Variants in ADGRL1 observed in about 807,000 individuals in gnomAD.
ADGRL1 encodes adhesion G protein-coupled receptor L1.
In ADGRL1, 31 loss-of-function variants were observed where a neutral mutation model predicts 148.9. That is an observed-to-expected ratio of 0.21 (90% CI 0.16 to 0.28). The LOEUF is 0.28. ADGRL1 is among the 10% of genes least tolerant of loss of function. The pLI is 1.00. For missense variants in ADGRL1, 1,521 were observed against 2,058.8 expected, an observed-to-expected ratio of 0.74 and a Z score of 5.05; for synonymous variants, 937 against 900.3, an observed-to-expected ratio of 1.04 and a Z score of -0.73.
At chr19:14,172,511 G>A (rs944860226) in intron 3 of ADGRL1, among the ~76,000 whole-genome samples, 2 of 151,984 alleles carry the variant, frequency 1.3e-5, no homozygotes, top group African/African-American at 4.8e-5. Flanking sequence ...AGGCCGTGGT[G>A]GATGGATCAC....
intron 3 of ADGRL1, among the ~76,000 whole-genome samples, chr19:14,172,447 T>C (rs1471704632): frequency 6.7e-6 from 1 of 149,720 alleles, no homozygotes; most frequent in Non-Finnish European, 1.5e-5. Context: ...AAACAAAAAA[T>C]AGAACACTGG....
intron 2 of ADGRL1, among the ~76,000 whole-genome samples, chr19:14,181,425 A>G (rs984696414): frequency 1.3e-5 from 2 of 152,216 alleles, no homozygotes; most frequent in Non-Finnish European, 2.9e-5. Context: ...TGCATGCTCA[A>G]GTTCGAACAG....
At position 14,158,513 on chromosome 19, in the gene ADGRL1, C is replaced by T. The variant is rs767471579; in HGVS notation, c.2189G>A (p.Gly730Asp). The change falls in exon 12 of 23, where the codon GGC becomes GAC. Residue 730 changes from glycine (G) to aspartate (D), a missense_variant. Coordinates refer to ENST00000361434, the MANE Select transcript of ADGRL1 (RefSeq NM_014921.5). ...KVVFILYNNL[G>D]LFLSTENATV... ...GGCATTCTCCGTGGACAGGAAGAGGCCCAGGTTGTTGTAGAGGATGAAGAC... is the reference window on the plus strand; with the variant it reads ...GGCATTCTCCGTGGACAGGAAGAGGTCCAGGTTGTTGTAGAGGATGAAGAC... 6.2e-7 allele frequency: 1 copy of T among 1,613,946 alleles called. No homozygotes were observed. The highest frequency in any genetic ancestry group is 1.1e-5 in the South Asian group (1 of 91,092).
rs2144732511 is a variant in ADGRL1 at position 14,161,477 on chromosome 19, G to T, written c.1345C>A (p.Leu449Met). 2.8e-6 allele frequency: 4 copies of T among 1,453,438 alleles called. No individual in the cohort carries two copies. Among genetic ancestry groups the T allele is most frequent in the Non-Finnish European group, 3.6e-6 (4 of 1,101,460 alleles). The allele number at this position is 1,453,438 out of a possible 1,614,324, so 90.0% of individuals were successfully genotyped here. A position where few individuals can be genotyped will look rare whatever the true frequency, so the allele number is the denominator to read the frequency against. The part of the protein sequence containing the change: ...VGAINQLGPD[L>M]PPATAPVPST... ...GGGACTGGGGCTGTGGCTGGAGGCA[G>T]ATCAGGTCCCAGCTGGTTGATGGCA... Residue 449 changes from leucine to methionine, a missense_variant, in exon 6 of 23, where the codon CTG becomes ATG. Transcript: ENST00000361434. The surrounding 1 kb of genome is among the most constrained non-coding windows in gnomAD (Gnocchi z 4.4).
In ADGRL1 at chr19:14,152,534, G is replaced by A. The variant is rs754060469; in HGVS notation, c.3503C>T (p.Thr1168Ile). ...CTTCTCACCTCGGTTCAGGGTGGGG[G>A]TGCTGTTGATGTCACCCGCCATGAA... ...SSFMAGDINS[T>I]PTLNRGTMGN... The change falls in exon 20 of 23, where the codon ACC becomes ATC. Residue 1168 changes from threonine (T) to isoleucine (I), a missense_variant. Thr to Ile is a moderately conservative substitution (Grantham distance 89). Transcript: ENST00000361434. The surrounding 1 kb of genome is among the most constrained non-coding windows in gnomAD (Gnocchi z 6.1). 1 of 1,614,066 alleles carries A rather than the reference G, an allele frequency of 6.2e-7. No homozygotes were observed. The highest frequency in any genetic ancestry group is 8.5e-7 in the Non-Finnish European group (1 of 1,179,958).
chr19:14,174,051 T>C (rs947159766), intron 3 of ADGRL1, among the ~76,000 whole-genome samples: 1 of 151,756 alleles, frequency 6.6e-6, no homozygotes, highest in African/African-American at 2.4e-5. Flanking sequence ...TACAAGTCCT[T>C]CTGGATGTGA....
At chr19:14,185,284 C>T (rs1242090005) in intron 1 of ADGRL1, among the ~76,000 whole-genome samples, 2 of 152,078 alleles carry the variant, frequency 1.3e-5, no homozygotes, top group African/African-American at 4.8e-5. Context: ...TAGAAACACA[C>T]ATTCTCTCTC....
At position 14,161,733 on chromosome 19, in the gene ADGRL1, G is replaced by T; in HGVS notation, c.1196-107C>A. 1 of 782,850 alleles carries T rather than the reference G, an allele frequency of 1.3e-6. No homozygotes were observed. Among genetic ancestry groups the T allele is most frequent in the Non-Finnish European group, 1.8e-6 (1 of 556,932 alleles). 48.5% of individuals were successfully genotyped at this position (782,850 alleles called of 1,614,324 possible). On this transcript the variant is annotated intron_variant, in intron 5 of 22. Coordinates refer to ENST00000361434, the MANE Select transcript of ADGRL1 (RefSeq NM_014921.5). The surrounding 1 kb of genome is among the most constrained non-coding windows in gnomAD (Gnocchi z 4.4). ...CTTAGCATCTTCCTCATCTACTGAA[G>T]TGGAAACACGTGCCGGGCCCCACTG...
intron 2 of ADGRL1, 60 bp from the exon 3 acceptor site, chr19:14,177,804 AC>A (rs1293909498): frequency 1.3e-5 from 19 of 1,471,364 alleles, no homozygotes; most frequent in Non-Finnish European, 1.7e-5. Context: ...GGAAGACCCT[AC>A]CCACTGCCAA....
At chr19:14,194,570 G>A (rs1246163046) in intron 1 of ADGRL1, among the ~76,000 whole-genome samples, 2 of 152,222 alleles carry the variant, frequency 1.3e-5, no homozygotes, top group African/African-American at 4.8e-5. Context: ...TACAGAGGAG[G>A]AAAGTGAGGT....
chr19:14,160,837 C>T lies in ADGRL1; in HGVS notation c.1511-141G>A. The T allele has an allele frequency of 2.9e-6, 2 of 685,250 alleles. No homozygotes were observed. Among genetic ancestry groups the T allele is most frequent in the Non-Finnish European group, 5.3e-6 (2 of 376,644 alleles). The allele number at this position is 685,250 out of a possible 1,614,324, so 42.4% of individuals were successfully genotyped here. ...GGTGAGGGAAACACGGAGAAACAGACATGAAGCGGGCTGGACAGTCGAAAG... is the reference window on the plus strand; with the variant it reads ...GGTGAGGGAAACACGGAGAAACAGATATGAAGCGGGCTGGACAGTCGAAAG... On this transcript the variant is annotated intron_variant, in intron 6 of 22. Transcript: ENST00000361434. This position sits in a 1 kb window ranked among gnomAD's most constrained non-coding sequence, Gnocchi z 5.9.
intron 2 of ADGRL1, among the ~76,000 whole-genome samples, chr19:14,180,404 T>C (rs1012627157): frequency 7.2e-5 from 11 of 152,046 alleles, no homozygotes; most frequent in South Asian, 2.1e-4. Flanking sequence ...TACAGGCGCC[T>C]GCCACCACAC....
At chr19:14,156,590 G>GGGGCTGGGGTCAAGGCC in intron 16 of ADGRL1, 68 bp downstream of exon 16, 1 of 1,009,776 alleles carries the variant, frequency 9.9e-7, no homozygotes, top group Non-Finnish European at 1.4e-6. Context: ...GGCGGGGGCA[G>GGGGCTGGGGTCAAGGCC]GGGCTGGGGT....
intron 1 of ADGRL1, among the ~76,000 whole-genome samples, chr19:14,198,096 T>TG (rs1356868633): frequency 2.0e-5 from 3 of 151,944 alleles, no homozygotes; most frequent in Non-Finnish European, 4.4e-5. Flanking sequence ...GCAAAGGTCC[T>TG]GGGGTAGGAA....
intron 1 of ADGRL1, among the ~76,000 whole-genome samples, chr19:14,200,975 C>T (rs1174979850): frequency 6.6e-6 from 1 of 152,206 alleles, no homozygotes; most frequent in Non-Finnish European, 1.5e-5. Context: ...CCCCTGATCC[C>T]AGTATGTTTA....
chr19:14,197,517 A>G (rs1972336716), intron 1 of ADGRL1, among the ~76,000 whole-genome samples: 2 of 152,108 alleles, frequency 1.3e-5, no homozygotes, highest in Non-Finnish European at 2.9e-5. Context: ...TGATGCTCTA[A>G]CATGGCATCT....
intron 1 of ADGRL1, among the ~76,000 whole-genome samples, chr19:14,187,090 C>T (rs1297681195): frequency 6.6e-6 from 1 of 152,240 alleles, no homozygotes; most frequent in African/African-American, 2.4e-5. Flanking sequence ...GTAATCCCAG[C>T]ACTTTGGGAA....
chr19:14,170,788 A>T lies in ADGRL1; in HGVS notation c.288T>A (p.Cys96Ter). 1 of 1,556,930 alleles carries T rather than the reference A, an allele frequency of 6.4e-7. No homozygotes were observed. Among genetic ancestry groups the T allele is most frequent in the Non-Finnish European group, 8.8e-7 (1 of 1,130,106 alleles). ...PDAFKIMSQR[C>*]NNRTQCVVVA... ...CCACCACGCACTGGGTGCGGTTGTT[A>T]CACCTTCAGAGGAGAAACAGGGCAT... Residue 96 changes from cysteine (C) to a stop codon, truncating the protein, a stop_gained, in exon 4 of 23, where the codon TGT becomes TGA. Coordinates refer to ENST00000361434, the MANE Select transcript of ADGRL1 (RefSeq NM_014921.5). LOFTEE classifies it high-confidence loss of function.
intron 3 of ADGRL1, among the ~76,000 whole-genome samples, chr19:14,175,967 T>C (rs966940462): frequency 5.3e-5 from 8 of 151,678 alleles, no homozygotes; most frequent in African/African-American, 1.9e-4. Flanking sequence ...GGCGGGAGAA[T>C]TGCTTGAACC....
Sources: allele counts gnomAD v4.1 joint callset (sites outside exome capture counted in the v4.1 genomes callset), GRCh38; gene constraint gnomAD v4.1.1; non-coding constraint Gnocchi (gnomAD v3.1); transcripts MANE v1.5; gene names NCBI Gene and HGNC (gene_info 2026-07-23, HGNC 2026-07-21).